DNAH14: variants seen among roughly 807,000 people sequenced by gnomAD.
DNAH14 encodes the protein dynein axonemal heavy chain 14, also known as axonemal beta dynein heavy chain 14.
A neutral mutation model predicts 520.9 loss-of-function variants in DNAH14; 478 were observed. The observed-to-expected ratio is 0.92, with a 90% confidence interval of 0.85 to 0.99. DNAH14 has a LOEUF of 0.99. DNAH14 is among the 50% of genes least tolerant of loss of function. The pLI is 0.00. For synonymous variants in DNAH14, 1,581 were observed against 1,757.2 expected, an observed-to-expected ratio of 0.90 and a Z score of 2.51; for missense variants, 4,831 against 5,234.5, an observed-to-expected ratio of 0.92 and a Z score of 2.38.
At chr1:225,174,326 T>G (rs916640674) in intron 36 of DNAH14, among the ~76,000 whole-genome samples, 3 of 152,184 alleles carry the variant, frequency 2.0e-5, no homozygotes, top group African/African-American at 7.2e-5. Context: ...ACAGGATATC[T>G]TTCCATTTAT....
chr1:224,973,843 A>G (rs1156270148), intron 7 of DNAH14, among the ~76,000 whole-genome samples: 1 of 152,180 alleles, frequency 6.6e-6, no homozygotes, highest in Admixed American at 6.5e-5. Flanking sequence ...ATTTATTGGA[A>G]TGTTGCAGCT....
chr1:225,073,045 G>A (rs2071741560), intron 17 of DNAH14, among the ~76,000 whole-genome samples: 2 of 152,070 alleles, frequency 1.3e-5, no homozygotes, highest in African/African-American at 4.8e-5. Context: ...TCCTGTGCTG[G>A]GGAGTCCACT....
intron 21 of DNAH14, among the ~76,000 whole-genome samples, chr1:225,091,645 C>T (rs987865582): frequency 2.0e-5 from 3 of 151,982 alleles, no homozygotes; most frequent in Non-Finnish European, 4.4e-5. Flanking sequence ...ATACATAGAC[C>T]ATTGACACTA....
chr1:224,952,780 G>A lies in DNAH14; in HGVS notation c.77+1G>A. On this transcript the variant is annotated splice_donor_variant, in intron 2 of 85. Transcript: ENST00000682510. LOFTEE classifies it high-confidence loss of function. ...AGGAGGAAACCAAGACAAAACCAAG[G>A]TAAAAGTAAGATAAAATATAATGAG... 1 of 1,579,432 alleles carries A rather than the reference G, an allele frequency of 6.3e-7. No individual in the cohort carries two copies. The highest frequency in any genetic ancestry group is 8.6e-7 in the Non-Finnish European group (1 of 1,163,438).
chr1:225,118,837 G>A (rs1219476941), intron 25 of DNAH14, among the ~76,000 whole-genome samples: 1 of 147,994 alleles, frequency 6.8e-6, no homozygotes, highest in Non-Finnish European at 1.5e-5. Flanking sequence ...GACCCAAGGT[G>A]GCACCATTGC....
rs566404782 is a variant in DNAH14 at position 225,273,381 on chromosome 1, A to G, written c.8010+256A>G. 3.3e-5 allele frequency among the ~76,000 whole-genome samples: 5 copies of G among 152,352 alleles called. No individual in the cohort carries two copies. In the East Asian group the frequency reaches 9.7e-4, roughly 29 times the overall value. ...GGGAGGCGGAGCTTGCAGTGAGCCGATGAGCCGAGATCGCACCAGTGCAGT... is the reference window on the plus strand; with the variant it reads ...GGGAGGCGGAGCTTGCAGTGAGCCGGTGAGCCGAGATCGCACCAGTGCAGT... On this transcript the variant is annotated intron_variant, in intron 52 of 85. Coordinates refer to ENST00000682510, the MANE Select transcript of DNAH14 (RefSeq NM_001367479.1).
chr1:224,952,902 T>C (rs953281524), intron 2 of DNAH14, 123 bp downstream of exon 2: 2 of 656,936 alleles, frequency 3.0e-6, no homozygotes, highest in African/African-American at 3.8e-5. Context: ...TATTGATGAT[T>C]CTAGAGTTTA....
In DNAH14 at chr1:225,266,750, C is replaced by T; in HGVS notation, c.7520C>T (p.Thr2507Ile). ...TTAGATTTGGGAGGAGTTTATGATA[C>T]TGAAAAAAATACATGGAAGGTACAG... ...QLLDLGGVYDTEKNTWKNIQD... is the reference protein window; with the variant it reads ...QLLDLGGVYDIEKNTWKNIQD... Residue 2507 changes from threonine (T) to isoleucine (I), a missense_variant, in exon 49 of 86, where the codon ACT becomes ATT. By Grantham distance (89) the Thr-to-Ile change is moderately conservative. Transcript: ENST00000682510. 6.6e-7 allele frequency: 1 copy of T among 1,513,648 alleles called. No homozygotes were observed. The highest frequency in any genetic ancestry group is 2.5e-5 in the East Asian group (1 of 39,272). The allele number at this position is 1,513,648 out of a possible 1,614,324, so 93.8% of individuals were successfully genotyped here. A position where few individuals can be genotyped will look rare whatever the true frequency, so the allele number is the denominator to read the frequency against.
Position 225,009,784 on chromosome 1 carries a change from A to G in DNAH14, c.1107+2240A>G, listed in dbSNP as rs751331513. ...TTTGTGTCCTCTCTTATTTCCTTGA[A>G]CAGTTGTTTGTAGTTCTCCTTGAAG... is the stretch of plus-strand genomic sequence containing the variant. On this transcript the variant is annotated intron_variant, in intron 10 of 85. Coordinates refer to ENST00000682510, the MANE Select transcript of DNAH14 (RefSeq NM_001367479.1). Among the ~76,000 whole-genome samples the G allele has an allele frequency of 7.5e-4, 114 of 152,014 alleles. 3 individuals carry two copies. The highest frequency in any genetic ancestry group is 2.0e-4 in the Admixed American group (3 of 15,258).
At chr1:224,931,700 A>G (rs1236534523) in intron 1 of DNAH14, among the ~76,000 whole-genome samples, 1 of 152,214 alleles carries the variant, frequency 6.6e-6, no homozygotes, top group Non-Finnish European at 1.5e-5. Flanking sequence ...AAGTGAGAAC[A>G]TGATATTTAT....
chr1:225,327,750 GA>G (rs1278956598), intron 64 of DNAH14, among the ~76,000 whole-genome samples: 5 of 148,180 alleles, frequency 3.4e-5, no homozygotes, highest in South Asian at 2.1e-4. Flanking sequence ...ATAGAGAATA[GA>G]AAAAAAAATA....
chr1:225,203,811 G>T lies in DNAH14; in HGVS notation c.5887-372G>T, dbSNP rs538537649. Reference sequence around the variant, plus strand: ...TAATTCTATGTATTCTAAAACTTGAGAACTGATATGAAGGAAAGTCTAGAA... The same window carrying T: ...TAATTCTATGTATTCTAAAACTTGATAACTGATATGAAGGAAAGTCTAGAA... On this transcript the variant is annotated intron_variant, in intron 38 of 85. Coordinates refer to ENST00000682510, the MANE Select transcript of DNAH14 (RefSeq NM_001367479.1). Among the ~76,000 whole-genome samples, 103 of 151,676 alleles carry T rather than the reference G, an allele frequency of 6.8e-4. 4 individuals carry two copies. In the South Asian group the frequency reaches 0.021, roughly 30 times the overall value.
chr1:225,318,511 C>A (rs945646415), intron 60 of DNAH14, 72 bp from the exon 61 acceptor site: 1 of 1,317,338 alleles, frequency 7.6e-7, no homozygotes, highest in Non-Finnish European at 1.0e-6. Flanking sequence ...TTTCCAAGTT[C>A]AGCATACAAA....
At chr1:225,199,975 T>G (rs1331715213) in intron 38 of DNAH14, among the ~76,000 whole-genome samples, 2 of 152,230 alleles carry the variant, frequency 1.3e-5, no homozygotes, top group Non-Finnish European at 2.9e-5. Context: ...ATCTCATTTC[T>G]TAGGTCTATT....
chr1:225,268,912 C>T (rs1200266656), intron 49 of DNAH14, among the ~76,000 whole-genome samples: 14 of 152,034 alleles, frequency 9.2e-5, no homozygotes, highest in African/African-American at 3.1e-4. Flanking sequence ...CCCAAGGTAA[C>T]TTATAGATTC....
At chr1:225,256,434 AAAAT>A (rs1191212467) in intron 44 of DNAH14, among the ~76,000 whole-genome samples, 3 of 152,176 alleles carry the variant, frequency 2.0e-5, no homozygotes, top group Admixed American at 6.5e-5. Flanking sequence ...ATTGGGTAAG[AAAAT>A]AAATAAATAA....
chr1:225,092,291 A>G (rs150213295), intron 21 of DNAH14, among the ~76,000 whole-genome samples: 134 of 151,548 alleles, frequency 8.8e-4, no homozygotes, highest in African/African-American at 3.2e-3. Context: ...CACATAAAAC[A>G]ATTCTCAGCA....
At chr1:225,001,178 A>G (rs1479350680) in intron 8 of DNAH14, among the ~76,000 whole-genome samples, 1 of 151,164 alleles carries the variant, frequency 6.6e-6, no homozygotes, top group Non-Finnish European at 1.5e-5. Flanking sequence ...TCTGGGATAT[A>G]TTGGGCAAAA....
intron 84 of DNAH14, among the ~76,000 whole-genome samples, chr1:225,398,240 T>C (rs2096053428): frequency 6.6e-6 from 1 of 152,144 alleles, no homozygotes; most frequent in Non-Finnish European, 1.5e-5. Flanking sequence ...AATTTGCATA[T>C]TTATTGTGTT....
Sources: allele counts gnomAD v4.1 joint callset (sites outside exome capture counted in the v4.1 genomes callset), GRCh38; gene constraint gnomAD v4.1.1; transcripts MANE v1.5; gene names NCBI Gene and HGNC (gene_info 2026-07-23, HGNC 2026-07-21).